Variants in RBFOX1 observed in about 807,000 individuals in gnomAD.
RBFOX1 encodes RNA binding protein fox-1 homolog 1.
In RBFOX1, 8 loss-of-function variants were observed where a neutral mutation model predicts 57.7. That is an observed-to-expected ratio of 0.14 (90% CI 0.08 to 0.25). The LOEUF is 0.25. Ranked by LOEUF, RBFOX1 falls within the 10% of genes least tolerant of loss-of-function variation. The pLI is 1.00. For synonymous variants in RBFOX1, 326 were observed against 222.4 expected (o/e 1.47, Z -4.15); for missense variants, 611 against 548.5 (o/e 1.11, Z -1.14).
intron 4 of RBFOX1, among the ~76,000 whole-genome samples, chr16:6,005,666 A>G (rs1297746307): frequency 6.6e-6 from 1 of 152,264 alleles, no homozygotes; most frequent in South Asian, 2.1e-4. Context: ...ACAACCAAAA[A>G]TGTCTCTAGA....
At chr16:6,498,193 A>G (rs1291737187) in intron 2 of RBFOX1, among the ~76,000 whole-genome samples, 1 of 150,364 alleles carries the variant, frequency 6.7e-6, no homozygotes, top group East Asian at 2.0e-4. Flanking sequence ...TGGAGGTTGC[A>G]GTGAGCCAAG....
intron 1 of RBFOX1, among the ~76,000 whole-genome samples, chr16:6,131,059 A>G (rs73527964): frequency 0.013 from 2,020 of 152,258 alleles, 46 homozygotes; most frequent in African/African-American, 0.046. Context: ...AGGCATGCAT[A>G]CTCTATGTTT....
intron 3 of RBFOX1, among the ~76,000 whole-genome samples, chr16:6,847,444 C>T (rs2093816484): frequency 6.6e-6 from 1 of 152,046 alleles, no homozygotes; most frequent in African/African-American, 2.4e-5. Context: ...CTGTCATCAT[C>T]TTCACAGCAA....
intron 3 of RBFOX1, among the ~76,000 whole-genome samples, chr16:5,785,878 A>G (rs1196291442): frequency 6.6e-6 from 1 of 152,012 alleles, no homozygotes; most frequent in Non-Finnish European, 1.5e-5. Flanking sequence ...TCCCACTGTC[A>G]TTACGTTAGA....
chr16:7,127,314 C>G (rs1228567091), intron 4 of RBFOX1, among the ~76,000 whole-genome samples: 3 of 152,120 alleles, frequency 2.0e-5, no homozygotes, highest in Admixed American at 2.0e-4. Context: ...TTTGCTTGGT[C>G]TCAAGAGAGA....
intron 1 of RBFOX1, among the ~76,000 whole-genome samples, chr16:6,301,072 G>T (rs186880640): frequency 1.3e-5 from 2 of 151,624 alleles, no homozygotes; most frequent in Non-Finnish European, 2.9e-5. Flanking sequence ...CCTATGAGTT[G>T]TCATTGAAAA....
rs536097314 is a variant in RBFOX1 at position 7,102,833 on chromosome 16, A to C, written c.27+50735A>C. Among the ~76,000 whole-genome samples, 470 of 152,264 alleles carry C rather than the reference A, an allele frequency of 3.1e-3. 4 individuals are homozygous for C. The highest frequency in any genetic ancestry group is 0.011 in the African/African-American group (452 of 41,562). ...CCAGCAATTTTTTTGAGATTAGAAA[A>C]CACAGCCTAATTTCAAAAGAATTTT... On this transcript the variant is annotated intron_variant, in intron 4 of 15. Coordinates refer to ENST00000550418, the MANE Select transcript of RBFOX1 (RefSeq NM_018723.4).
intron 10 of RBFOX1, among the ~76,000 whole-genome samples, chr16:7,617,808 G>C (rs140131455): frequency 2.0e-5 from 3 of 152,278 alleles, no homozygotes; most frequent in South Asian, 2.1e-4. Flanking sequence ...ATAGTACACA[G>C]TGATACCTGC....
chr16:6,321,314 C>CTAGCA (rs2081761622), intron 2 of RBFOX1, among the ~76,000 whole-genome samples: 1 of 152,130 alleles, frequency 6.6e-6, no homozygotes, highest in Non-Finnish European at 1.5e-5. Context: ...TGGCTTTAGA[C>CTAGCA]TAGCAGCCTT....
chr16:5,877,405 G>C (rs531057345), intron 4 of RBFOX1, among the ~76,000 whole-genome samples: 17 of 152,356 alleles, frequency 1.1e-4, no homozygotes, highest in Middle Eastern at 3.4e-3. Context: ...AGCTGTAATA[G>C]AAGTGGGTTC....
chr16:7,383,084 G>T (rs1057115055), intron 4 of RBFOX1, among the ~76,000 whole-genome samples: 2 of 152,062 alleles, frequency 1.3e-5, no homozygotes, highest in Admixed American at 6.6e-5. Context: ...GCAATATCCA[G>T]TTGATCTTAG....
At chr16:6,579,792 C>G (rs2097506994) in intron 2 of RBFOX1, among the ~76,000 whole-genome samples, 1 of 152,034 alleles carries the variant, frequency 6.6e-6, no homozygotes, top group Non-Finnish European at 1.5e-5. Context: ...CACTATGTTG[C>G]CCAGGGTGGT....
chr16:6,726,389 T>G (rs1244152245), intron 3 of RBFOX1, among the ~76,000 whole-genome samples: 2 of 117,526 alleles, frequency 1.7e-5, no homozygotes, highest in African/African-American at 5.4e-5. Context: ...AATAAAACGC[T>G]ATTTTTTCTT....
Position 7,109,247 on chromosome 16 carries a change from T to C in RBFOX1, c.27+57149T>C, listed in dbSNP as rs898135740. On this transcript the variant is annotated intron_variant, in intron 4 of 15. Coordinates refer to ENST00000550418, the MANE Select transcript of RBFOX1 (RefSeq NM_018723.4). ...ATTTTCTAATGTTAACCTTGGGACCTCATATATTATTGGATGCAAACGTCT... is the reference window on the plus strand; with the variant it reads ...ATTTTCTAATGTTAACCTTGGGACCCCATATATTATTGGATGCAAACGTCT... 4.6e-5 allele frequency among the ~76,000 whole-genome samples: 7 copies of C among 152,138 alleles called. No homozygotes were observed. The South Asian group carries it at 1.5e-3, about 32-fold the overall frequency.
chr16:7,150,408 C>T (rs537419920), intron 4 of RBFOX1, among the ~76,000 whole-genome samples: 95 of 152,206 alleles, frequency 6.2e-4, no homozygotes, highest in African/African-American at 1.1e-3. Context: ...AATTGGTCCC[C>T]GGGCTGTATT....
At chr16:5,257,860 A>C (rs1023291281) in intron 1 of RBFOX1, among the ~76,000 whole-genome samples, 1 of 151,894 alleles carries the variant, frequency 6.6e-6, no homozygotes, top group African/African-American at 2.4e-5. Context: ...GTGGGGGGGA[A>C]ATGGGATCAA....
intron 1 of RBFOX1, among the ~76,000 whole-genome samples, chr16:6,091,737 G>A (rs929586848): frequency 3.3e-5 from 5 of 152,130 alleles, no homozygotes; most frequent in Non-Finnish European, 7.4e-5. Flanking sequence ...GACCGAGGCT[G>A]GGAGAATTGC....
intron 4 of RBFOX1, among the ~76,000 whole-genome samples, chr16:7,179,723 A>G (rs972619116): frequency 4.6e-5 from 7 of 151,338 alleles, no homozygotes; most frequent in Non-Finnish European, 8.9e-5. Flanking sequence ...GAAATTCACC[A>G]TCTTCCCAGA....
intron 3 of RBFOX1, among the ~76,000 whole-genome samples, chr16:6,902,668 G>C (rs1227174669): frequency 6.6e-6 from 1 of 152,186 alleles, no homozygotes; most frequent in East Asian, 1.9e-4. Flanking sequence ...GCTGTAGTGA[G>C]CTGAGATTGT....
Sources: gnomAD v4.1 joint callset for allele counts (sites outside exome capture counted in the v4.1 genomes callset) on GRCh38, gnomAD v4.1.1 for gene constraint, MANE v1.5 for transcripts, NCBI Gene and HGNC (gene_info 2026-07-23, HGNC 2026-07-21) for gene names.